FKBP10: variants seen among roughly 807,000 people sequenced by gnomAD.
FKBP10 encodes peptidyl-prolyl cis-trans isomerase FKBP10.
A neutral mutation model predicts 53.7 loss-of-function variants in FKBP10; 34 were observed. The ratio of observed to expected loss-of-function variants is 0.63; its 90% confidence interval spans 0.48 to 0.84. The LOEUF (loss-of-function observed/expected upper bound fraction) is 0.84, where lower values mean the gene tolerates loss of function less well. FKBP10 is among the 40% of genes least tolerant of loss of function. The pLI, the probability that FKBP10 is intolerant of heterozygous loss-of-function variation, is 0.00. For missense variants in FKBP10, 748 were observed against 797.8 expected, an observed-to-expected ratio of 0.94 and a Z score of 0.75; for synonymous variants, 324 against 335.7, an observed-to-expected ratio of 0.97 and a Z score of 0.38.
rs1189533718 is a variant in FKBP10, at chr17:41,816,937, A to G, written c.246-121A>G. The G allele has an allele frequency of 1.6e-5, 23 of 1,430,448 alleles. No individual in the cohort carries two copies. In the East Asian group the frequency reaches 5.4e-4, roughly 34 times the overall value. 88.6% of individuals were successfully genotyped at this position (1,430,448 alleles called of 1,614,324 possible). ...GTGAGAAGTGTGTGTGCGTATCCAC[A>G]CCTGGCTATAGGGAGGGGGGATTGT... On this transcript the variant is annotated intron_variant, in intron 1 of 9. Transcript: ENST00000321562.
At position 41,822,286 on chromosome 17, in the gene FKBP10, C is replaced by T. The variant is rs782573484; in HGVS notation, c.1627C>T (p.Pro543Ser). 2 of 1,613,918 alleles carry T rather than the reference C, an allele frequency of 1.2e-6. No homozygotes were observed. The highest frequency in any genetic ancestry group is 1.7e-6 in the Non-Finnish European group (2 of 1,179,938). Residue 543 changes from proline (P) to serine (S), a missense_variant, in exon 10 of 10, where the codon CCT becomes TCT. Transcript: ENST00000321562. The part of the protein sequence containing the change: ...GKGRLMPGQD[P>S]EKTIGDMFQN... ...AGGACGCCTCATGCCTGGGCAGGAC[C>T]CTGAGAAAACCATAGGAGACATGTT...
intron 8 of FKBP10, 100 bp from the exon 9 acceptor site, chr17:41,821,554 C>A: frequency 6.8e-7 from 1 of 1,460,878 alleles, no homozygotes; most frequent in South Asian, 1.3e-5. Flanking sequence ...CCAGCCCAGC[C>A]CCAGGAGGGG....
Position 41,818,528 on chromosome 17 carries a change from G to C in FKBP10, c.727+1G>C. ...CTGGCCTATGGCGAGAAAGGCTATGGTGAGGGTGGGCAAGGACACAAGGGG... is the reference window on the plus strand; with the variant it reads ...CTGGCCTATGGCGAGAAAGGCTATGCTGAGGGTGGGCAAGGACACAAGGGG... On this transcript the variant is annotated splice_donor_variant, in intron 4 of 9. Coordinates refer to ENST00000321562, the MANE Select transcript of FKBP10 (RefSeq NM_021939.4). LOFTEE classifies it high-confidence loss of function. 1 of 1,614,148 alleles carries C rather than the reference G, an allele frequency of 6.2e-7. No homozygotes were observed. Among genetic ancestry groups the C allele is most frequent in the Non-Finnish European group, 8.5e-7 (1 of 1,180,024 alleles).
Position 41,818,508 on chromosome 17 carries a change from C to G in FKBP10, c.708C>G (p.Ala236=), listed in dbSNP as rs2047845032. The change falls in exon 4 of 10, where the codon GCC becomes GCG. Residue 236 remains alanine, a synonymous_variant. Transcript: ENST00000321562. ...RRKIIIPPFL[A]YGEKGYGTVI... ...AGATTATCATCCCTCCATTCCTGGC[C>G]TATGGCGAGAAAGGCTATGGTGAGG... is the stretch of plus-strand genomic sequence containing the variant. The G allele has an allele frequency of 1.9e-6, 3 of 1,614,148 alleles. No homozygotes were observed. The highest frequency in any genetic ancestry group is 2.5e-6 in the Non-Finnish European group (3 of 1,180,026).
chr17:41,813,250 T>C lies in FKBP10; in HGVS notation c.216T>C (p.Thr72=), dbSNP rs1485361870. 6.2e-7 allele frequency: 1 copy of C among 1,613,702 alleles called. No individual in the cohort carries two copies. The highest frequency in any genetic ancestry group is 1.3e-5 in the African/African-American group (1 of 74,928). ...GDFVRYHYNG[T]FEDGKKFDSS... ...TTGTGCGCTACCACTACAACGGCAC[T>C]TTTGAAGATGGCAAGAAGTTTGATT... Residue 72 remains threonine, a synonymous_variant, in exon 1 of 10, where the codon ACT becomes ACC. Coordinates refer to ENST00000321562, the MANE Select transcript of FKBP10 (RefSeq NM_021939.4).
Position 41,819,536 on chromosome 17 carries a change from C to G in FKBP10, c.924C>G (p.Ser308=). The G allele has an allele frequency of 6.2e-7, 1 of 1,614,100 alleles. No homozygotes were observed. Among genetic ancestry groups the G allele is most frequent in the Non-Finnish European group, 8.5e-7 (1 of 1,180,006 alleles). The part of the protein sequence containing the change: ...MDGTLFDSSY[S]RNHTYNTYIG... ...CTCCCGCCTTGTATTGCAGCTACTCCCGCAACCACACCTACAATACCTATA... is the reference window on the plus strand; with the variant it reads ...CTCCCGCCTTGTATTGCAGCTACTCGCGCAACCACACCTACAATACCTATA... Residue 308 remains serine (S), a synonymous_variant, in exon 6 of 10, where the codon TCC becomes TCG. Coordinates refer to ENST00000321562, the MANE Select transcript of FKBP10 (RefSeq NM_021939.4).
In FKBP10 at chr17:41,820,944, C is replaced by G; in HGVS notation, c.1257-3C>G. 1.2e-6 allele frequency: 2 copies of G among 1,611,646 alleles called. No individual in the cohort carries two copies. The highest frequency in any genetic ancestry group is 1.7e-6 in the Non-Finnish European group (2 of 1,179,302). ...GCTGACCTGGGCATCTGCTCTCCCC[C>G]AGGCATGACTACGGGGCCCCCCAGG... On this transcript the variant is annotated splice_polypyrimidine_tract_variant and splice_region_variant and intron_variant, in intron 7 of 9. Coordinates refer to ENST00000321562, the MANE Select transcript of FKBP10 (RefSeq NM_021939.4).
chr17:41,820,123 T>G, intron 6 of FKBP10, 146 bp from the exon 7 acceptor site: 1 of 1,230,768 alleles, frequency 8.1e-7, no homozygotes, highest in Non-Finnish European at 1.1e-6. Context: ...TTTGTTAGAA[T>G]TGACTCTGGA....
At chr17:41,819,001 C>T (rs1326822227) in intron 4 of FKBP10, 37 of 591,876 alleles carry the variant, frequency 6.3e-5, no homozygotes, top group Non-Finnish European at 1.0e-4. Context: ...CTGATTCACA[C>T]GAAGGCTCAG....
intron 6 of FKBP10, 59 bp downstream of exon 6, chr17:41,819,734 G>A: frequency 6.4e-7 from 1 of 1,560,620 alleles, no homozygotes. Flanking sequence ...ATTGTGTCTA[G>A]GCCACCCCCT....
At chr17:41,816,607 A>G (rs781871564) in intron 1 of FKBP10, among the ~76,000 whole-genome samples, 1 of 152,196 alleles carries the variant, frequency 6.6e-6, no homozygotes, top group East Asian at 1.9e-4. Flanking sequence ...TCAAGTCTCC[A>G]TTGCTCTCAT....
intron 3 of FKBP10, 35 bp downstream of exon 3, chr17:41,818,313 G>A: frequency 6.2e-7 from 1 of 1,614,082 alleles, no homozygotes; most frequent in Non-Finnish European, 8.5e-7. Context: ...AGGCACTGGG[G>A]ACTGTGGCAT....
chr17:41,821,645 T>TC lies in FKBP10; in HGVS notation c.1400-6dup. 6.2e-7 allele frequency: 1 copy of TC among 1,613,334 alleles called. No individual in the cohort carries two copies. The highest frequency in any genetic ancestry group is 1.1e-5 in the South Asian group (1 of 91,038). ...AGGACCCCTCCCTTCTCTCCTGCCCTCCCTCCAGCCCGGGGAGTCCCAGGC... is the reference window on the plus strand; with the variant it reads ...AGGACCCCTCCCTTCTCTCCTGCCCTCCCCTCCAGCCCGGGGAGTCCCAGGC... On this transcript the variant is annotated splice_polypyrimidine_tract_variant and intron_variant, in intron 8 of 9. Transcript: ENST00000321562.
At chr17:41,816,227 C>CTT (rs781896839) in intron 1 of FKBP10, among the ~76,000 whole-genome samples, 46,223 of 77,380 alleles carry the variant, frequency 0.6, 15,160 homozygotes, top group East Asian at 0.76. Context: ...TTAGAATAGG[C>CTT]TTTTTTTTTT....
In FKBP10 at chr17:41,819,541, A is replaced by G; in HGVS notation, c.929A>G (p.Asn310Ser). 1.9e-6 allele frequency: 3 copies of G among 1,614,092 alleles called. No individual in the cohort carries two copies. The highest frequency in any genetic ancestry group is 2.5e-6 in the Non-Finnish European group (3 of 1,180,002). ...GTLFDSSYSR[N>S]HTYNTYIGQG... ...GCCTTGTATTGCAGCTACTCCCGCA[A>G]CCACACCTACAATACCTATATCGGG... Residue 310 changes from asparagine (N) to serine (S), a missense_variant, in exon 6 of 10, where the codon AAC (asparagine) becomes AGC (serine). By Grantham distance (46) the Asn-to-Ser change is conservative. Transcript: ENST00000321562.
chr17:41,819,132 C>A, intron 4 of FKBP10, 78 bp from the exon 5 acceptor site: 1 of 1,443,076 alleles, frequency 6.9e-7, no homozygotes, highest in Non-Finnish European at 9.7e-7. Context: ...TGCATGGTGC[C>A]CACTGGGCCT....
At chr17:41,813,799 G>T (rs371175026) in intron 1 of FKBP10, among the ~76,000 whole-genome samples, 7 of 152,246 alleles carry the variant, frequency 4.6e-5, no homozygotes, top group Admixed American at 4.6e-4. Context: ...AAGGCTGGTG[G>T]GTATTATAAG....
At chr17:41,820,076 G>A (rs1039225898) in intron 6 of FKBP10, 193 bp from the exon 7 acceptor site, 41 of 1,300,948 alleles carry the variant, frequency 3.2e-5, no homozygotes, top group African/African-American at 1.9e-4. Flanking sequence ...TTTCTTACTG[G>A]AAAGCTGCCT....
At chr17:41,819,855 C>T (rs899455009) in intron 6 of FKBP10, 180 bp downstream of exon 6, 8 of 1,540,998 alleles carry the variant, frequency 5.2e-6, no homozygotes, top group Non-Finnish European at 7.0e-6. Flanking sequence ...CATCGGTTTC[C>T]TCCAGGGCAG....
Sources: allele counts gnomAD v4.1 joint callset (sites outside exome capture counted in the v4.1 genomes callset), GRCh38; gene constraint gnomAD v4.1.1; transcripts MANE v1.5; gene names NCBI Gene and HGNC (gene_info 2026-07-23, HGNC 2026-07-21).